Variants in ATG3 observed in about 807,000 individuals in gnomAD.
The protein encoded by ATG3 is autophagy related 3, also known as ubiquitin-like-conjugating enzyme ATG3.
ATG3 carries 25 observed loss-of-function variants against 50.7 expected under a neutral mutation model. The observed-to-expected ratio is 0.49, with a 90% CI of 0.36 to 0.69. The LOEUF is 0.69. ATG3 is among the 30% of genes least tolerant of loss of function. The probability of loss-of-function intolerance (pLI) is 0.00; values close to 1 mark genes in which losing one functional copy is unlikely to be tolerated. For synonymous variants in ATG3, 119 were observed against 125.5 expected, an observed-to-expected ratio of 0.95 and a Z score of 0.34; for missense variants, 281 against 376.0, an observed-to-expected ratio of 0.75 and a Z score of 2.09.
At chr3:112,532,836 C>A in intron 11 of ATG3, 56 bp from the exon 12 acceptor site, 1 of 1,485,082 alleles carries the variant, frequency 6.7e-7, no homozygotes, top group Non-Finnish European at 8.9e-7. Context: ...TGTTTTAAGC[C>A]CATGTTGTAA....
At chr3:112,554,556 A>T (rs1206833726) in intron 2 of ATG3, among the ~76,000 whole-genome samples, 1 of 152,216 alleles carries the variant, frequency 6.6e-6, no homozygotes, top group Non-Finnish European at 1.5e-5. Flanking sequence ...GCCTGCACCC[A>T]GGTGAAATAA....
chr3:112,536,554 C>T lies in ATG3; in HGVS notation c.715G>A (p.Asp239Asn). ...VEHMYEDISQDHVKKTVTIEN... is the reference protein window; with the variant it reads ...VEHMYEDISQNHVKKTVTIEN... ...ATGGTCACTGTTTTCTTCACATGAT[C>T]CTGACTGATGTCTTCATACATGTGC... The change falls in exon 10 of 12, where the codon GAT becomes AAT. Residue 239 changes from aspartate to asparagine, a missense_variant. By Grantham distance (23) the Asp-to-Asn change is conservative. Coordinates refer to ENST00000283290, the MANE Select transcript of ATG3 (RefSeq NM_022488.5). The T allele has an allele frequency of 6.2e-7, 1 of 1,613,986 alleles. No homozygotes were observed. The highest frequency in any genetic ancestry group is 2.2e-5 in the East Asian group (1 of 44,880).
chr3:112,532,534 A>C lies in ATG3; in HGVS notation c.*165T>G. 1 of 432,108 alleles carries C rather than the reference A, an allele frequency of 2.3e-6. No individual in the cohort carries two copies. Among genetic ancestry groups the C allele is most frequent in the Non-Finnish European group, 3.9e-6 (1 of 259,136 alleles). 26.8% of individuals were successfully genotyped at this position (432,108 alleles called of 1,614,324 possible). On this transcript the variant is annotated 3_prime_UTR_variant, in exon 12 of 12. Coordinates refer to ENST00000283290, the MANE Select transcript of ATG3 (RefSeq NM_022488.5). ...CTCTCTTTGCACTGATTTTTATTAA[A>C]CAAGTAAGGCTGGTAGTGGAACATA...
rs113031672 is a variant in ATG3 at position 112,534,670 on chromosome 3, G to A, written c.795-333C>T. 840 of 157,440 alleles carry A rather than the reference G, an allele frequency of 5.3e-3. 13 individuals are homozygous for A. The highest frequency in any genetic ancestry group is 0.019 in the African/African-American group (790 of 41,632). 9.8% of individuals were successfully genotyped at this position (157,440 alleles called of 1,614,324 possible). A position where few individuals can be genotyped will look rare whatever the true frequency, so the allele number is the denominator to read the frequency against. ...GGCATTAGTTAGTGTTCTGATAATT[G>A]GGAGAGACAAGGAAGGCAGAAAACC... On this transcript the variant is annotated intron_variant, in intron 10 of 11. Transcript: ENST00000283290.
At chr3:112,550,715 C>T (rs764358621) in intron 3 of ATG3, among the ~76,000 whole-genome samples, 2 of 152,082 alleles carry the variant, frequency 1.3e-5, no homozygotes, top group Non-Finnish European at 2.9e-5. Context: ...AGGTGGCTGG[C>T]AAAATCCCTG....
chr3:112,561,551 G>A lies in ATG3; in HGVS notation c.-23C>T. 1 of 1,442,558 alleles carries A rather than the reference G, an allele frequency of 6.9e-7. No homozygotes were observed. The allele number at this position is 1,442,558 out of a possible 1,614,324, so 89.4% of individuals were successfully genotyped here. A position where few individuals can be genotyped will look rare whatever the true frequency, so the allele number is the denominator to read the frequency against. On this transcript the variant is annotated 5_prime_UTR_variant, in exon 1 of 12. Transcript: ENST00000283290. Reference sequence around the variant, plus strand: ...CATCCTGGGGCCGGAGTAGCGGCCGGCCCCGCGACGGGATGGAAAGTGCAG... The same window carrying A: ...CATCCTGGGGCCGGAGTAGCGGCCGACCCCGCGACGGGATGGAAAGTGCAG...
At chr3:112,545,850 C>G (rs1933354375) in intron 5 of ATG3, among the ~76,000 whole-genome samples, 1 of 152,078 alleles carries the variant, frequency 6.6e-6, no homozygotes, top group South Asian at 2.1e-4. Flanking sequence ...GATGTTTGGT[C>G]AAACACCATT....
chr3:112,536,747 C>T lies in ATG3; in HGVS notation c.667-145G>A, dbSNP rs1289897771. ...CCATCCTGGCTAACATGGTGAAACA[C>T]CGTCTCTACTAAGAATATAAAAAAT... On this transcript the variant is annotated intron_variant, in intron 9 of 11. Coordinates refer to ENST00000283290, the MANE Select transcript of ATG3 (RefSeq NM_022488.5). The T allele has an allele frequency of 5.4e-6, 4 of 739,148 alleles. No homozygotes were observed. In the African/African-American group the frequency reaches 7.2e-5, roughly 13 times the overall value. 45.8% of individuals were successfully genotyped at this position (739,148 alleles called of 1,614,324 possible). A position where few individuals can be genotyped will look rare whatever the true frequency, so the allele number is the denominator to read the frequency against.
At chr3:112,533,111 T>A in intron 11 of ATG3, 3 of 1,000,968 alleles carry the variant, frequency 3.0e-6, no homozygotes, top group Non-Finnish European at 3.6e-6. Context: ...TCCTTTAAGT[T>A]TGCTAGAGTT....
chr3:112,555,015 C>T (rs1411945005), intron 2 of ATG3, among the ~76,000 whole-genome samples: 1 of 152,096 alleles, frequency 6.6e-6, no homozygotes, highest in Non-Finnish European at 1.5e-5. Flanking sequence ...ACATTTAGCT[C>T]TGTGGTTATC....
intron 3 of ATG3, among the ~76,000 whole-genome samples, 191 bp downstream of exon 3, chr3:112,553,089 C>G (rs1933572469): frequency 6.6e-6 from 1 of 152,110 alleles, no homozygotes; most frequent in African/African-American, 2.4e-5. Flanking sequence ...CTAACATAGC[C>G]AAATAACATA....
At chr3:112,552,649 A>T (rs2638027) in intron 3 of ATG3, among the ~76,000 whole-genome samples, 23,021 of 144,306 alleles carry the variant, frequency 0.16, 4,176 homozygotes, top group African/African-American at 0.44. Context: ...CTGTTCAAAA[A>T]TTTTTTTTTT....
chr3:112,558,180 T>G (rs1015593789), intron 2 of ATG3, 196 bp downstream of exon 2: 2 of 560,456 alleles, frequency 3.6e-6, no homozygotes, highest in Non-Finnish European at 6.4e-6. Context: ...CAGAGAAATA[T>G]GAGAAGTGGC....
chr3:112,544,640 G>A (rs1166609494), intron 5 of ATG3, among the ~76,000 whole-genome samples: 2 of 73,026 alleles, frequency 2.7e-5, no homozygotes, highest in African/African-American at 8.4e-5. Context: ...GGCGACAAGA[G>A]CGAAACTCCG....
chr3:112,544,100 G>A lies in ATG3; in HGVS notation c.350C>T (p.Thr117Ile). ...CTCTTTAACGGCTTCCGTTATTCCT[G>A]TAATACCTATGTAAAATTCGGCAGA... The part of the protein sequence containing the change: ...WVDTYHNTGI[T>I]GITEAVKEIT... Residue 117 changes from threonine (T) to isoleucine (I), a missense_variant, in exon 6 of 12, where the codon ACA becomes ATA. This residue lies in a region of ATG3 where 242 missense variants were observed against 305.0 expected (regional missense o/e 0.79). Coordinates refer to ENST00000283290, the MANE Select transcript of ATG3 (RefSeq NM_022488.5). The A allele has an allele frequency of 6.2e-7, 1 of 1,600,574 alleles. No homozygotes were observed. The highest frequency in any genetic ancestry group is 1.3e-5 in the African/African-American group (1 of 74,592).
At chr3:112,534,147 AT>A in intron 11 of ATG3, 121 bp downstream of exon 11, 1 of 1,456,614 alleles carries the variant, frequency 6.9e-7, no homozygotes. Flanking sequence ...TTCTACTAGG[AT>A]TTTCAGATGA....
intron 11 of ATG3, chr3:112,533,159 A>C: frequency 1.0e-6 from 1 of 986,950 alleles, no homozygotes; most frequent in Non-Finnish European, 1.2e-6. Context: ...ATAATGAAGT[A>C]CTATAGCAAA....
chr3:112,549,351 A>G (rs1322982659), intron 4 of ATG3, among the ~76,000 whole-genome samples: 1 of 152,200 alleles, frequency 6.6e-6, no homozygotes, highest in East Asian at 1.9e-4. Flanking sequence ...CCTTTGTAAA[A>G]AGAAATATGC....
rs1453756196 is a variant in ATG3, at chr3:112,536,566, C to T, written c.703G>A (p.Asp235Asn). 1 of 1,614,040 alleles carries T rather than the reference C, an allele frequency of 6.2e-7. No individual in the cohort carries two copies. The highest frequency in any genetic ancestry group is 8.5e-7 in the Non-Finnish European group (1 of 1,179,954). ...QPLTVEHMYEDISQDHVKKTV... is the reference protein window; with the variant it reads ...QPLTVEHMYENISQDHVKKTV... Reference sequence around the variant, plus strand: ...TTCTTCACATGATCCTGACTGATGTCTTCATACATGTGCTCAACTGTTAAA... The same window carrying T: ...TTCTTCACATGATCCTGACTGATGTTTTCATACATGTGCTCAACTGTTAAA... The change falls in exon 10 of 12, where the codon GAC (aspartate) becomes AAC (asparagine). Residue 235 changes from aspartate to asparagine, a missense_variant. Around this residue, in one of 3 missense-constraint regions of ATG3, gnomAD observed 242 missense variants for 305.0 expected, o/e 0.79. Coordinates refer to ENST00000283290, the MANE Select transcript of ATG3 (RefSeq NM_022488.5).
Sources: gnomAD v4.1 joint callset for allele counts (sites outside exome capture counted in the v4.1 genomes callset) on GRCh38, gnomAD v4.1.1 for gene constraint, gnomAD v4.1.1 regional missense constraint, MANE v1.5 for transcripts, NCBI Gene and HGNC (gene_info 2026-07-23, HGNC 2026-07-21) for gene names.